USP46: variants seen among roughly 807,000 people sequenced by gnomAD.
USP46 encodes ubiquitin specific peptidase 46.
A neutral mutation model predicts 44.4 loss-of-function variants in USP46; 12 were observed. The observed-to-expected ratio is 0.27, with a 90% CI of 0.17 to 0.44. The LOEUF is 0.44. USP46 is among the 20% of genes least tolerant of loss of function. USP46 has a pLI of 1.00. For missense variants in USP46, 248 were observed against 444.8 expected, an observed-to-expected ratio of 0.56 and a Z score of 3.98; for synonymous variants, 155 against 161.5, an observed-to-expected ratio of 0.96 and a Z score of 0.31.
chr4:52,652,980 G>C (rs539111002), intron 1 of USP46, among the ~76,000 whole-genome samples: 67 of 152,194 alleles, frequency 4.4e-4, no homozygotes, highest in African/African-American at 1.5e-3. Context: ...GGAACTTGAG[G>C]AAGAAAAGGA....
rs1165651443 is a variant in USP46, at chr4:52,591,856, T to C, written c.*5784A>G. 1 of 152,340 alleles carries C rather than the reference T, an allele frequency of 6.6e-6. No individual in the cohort carries two copies. The highest frequency in any genetic ancestry group is 2.4e-5 in the African/African-American group (1 of 41,594). 9.4% of individuals were successfully genotyped at this position (152,340 alleles called of 1,614,324 possible). On this transcript the variant is annotated 3_prime_UTR_variant, in exon 9 of 9. Transcript: ENST00000441222. ...AAACAGATTGTTTAGAAATAACAGA[T>C]ATTTGATTCATAAAGCTCACTGTTG...
At chr4:52,611,712 C>T (rs749973469) in intron 4 of USP46, among the ~76,000 whole-genome samples, 6 of 152,062 alleles carry the variant, frequency 3.9e-5, no homozygotes, top group Admixed American at 1.3e-4. Flanking sequence ...CATGGTGAAA[C>T]TCCGTCTCTA....
chr4:52,621,498 A>C (rs927456235), intron 4 of USP46, among the ~76,000 whole-genome samples: 13 of 152,094 alleles, frequency 8.5e-5, no homozygotes, highest in East Asian at 3.9e-4. Context: ...TCTACTAAAA[A>C]TACAAAAATT....
At chr4:52,614,005 A>AT (rs1717031963) in intron 4 of USP46, among the ~76,000 whole-genome samples, 2 of 152,210 alleles carry the variant, frequency 1.3e-5, no homozygotes, top group African/African-American at 4.8e-5. Context: ...AATAGAAACA[A>AT]TAAAAAAGAA....
intron 1 of USP46, among the ~76,000 whole-genome samples, chr4:52,641,820 T>C (rs1353874976): frequency 6.6e-6 from 1 of 152,132 alleles, no homozygotes; most frequent in Non-Finnish European, 1.5e-5. Context: ...TTCAAGTTTG[T>C]ACAAGGAAGG....
intron 5 of USP46, among the ~76,000 whole-genome samples, chr4:52,608,255 A>C (rs1229687041): frequency 6.6e-6 from 1 of 152,254 alleles, no homozygotes; most frequent in African/African-American, 2.4e-5. Flanking sequence ...AAACACAGCT[A>C]TCGTGTCCAA....
chr4:52,644,738 A>T (rs1186609968), intron 1 of USP46, among the ~76,000 whole-genome samples: 14 of 71,482 alleles, frequency 2.0e-4, no homozygotes, highest in Non-Finnish European at 2.8e-4. Context: ...ATATTGAATT[A>T]AAAAAAAAAA....
At chr4:52,615,521 C>T (rs989446546) in intron 4 of USP46, among the ~76,000 whole-genome samples, 28 of 152,220 alleles carry the variant, frequency 1.8e-4, no homozygotes, top group East Asian at 9.6e-4. Flanking sequence ...CTCAAAAACA[C>T]ATGAAGCTGG....
intron 4 of USP46, among the ~76,000 whole-genome samples, chr4:52,614,348 T>C (rs1240935624): frequency 6.6e-6 from 1 of 152,012 alleles, no homozygotes; most frequent in African/African-American, 2.4e-5. Flanking sequence ...GCAGGATAAA[T>C]ACAAAGAAGG....
intron 6 of USP46, among the ~76,000 whole-genome samples, chr4:52,602,274 T>G (rs1440429985): frequency 6.6e-6 from 1 of 152,206 alleles, no homozygotes; most frequent in Non-Finnish European, 1.5e-5. Context: ...GGTGTGTGTC[T>G]GTTTGTTGGA....
intron 4 of USP46, among the ~76,000 whole-genome samples, chr4:52,619,599 T>G (rs948861211): frequency 6.6e-6 from 1 of 152,224 alleles, no homozygotes; most frequent in Non-Finnish European, 1.5e-5. Context: ...TCCCATTTGG[T>G]CTTCTTGCAC....
At position 52,596,205 on chromosome 4, in the gene USP46, G is replaced by C. The variant is rs1423093237; in HGVS notation, c.*1435C>G. On this transcript the variant is annotated 3_prime_UTR_variant, in exon 9 of 9. Transcript: ENST00000441222. ...ACTAACATTTTCCATTTCAATTTTA[G>C]TTCACATTATGCCCAAAGTTTGCAT... is the stretch of plus-strand genomic sequence containing the variant. 6.6e-6 allele frequency: 1 copy of C among 152,522 alleles called. No homozygotes were observed. Among genetic ancestry groups the C allele is most frequent in the Non-Finnish European group, 1.5e-5 (1 of 68,020 alleles). The allele number at this position is 152,522 out of a possible 1,614,324, so 9.4% of individuals were successfully genotyped here.
chr4:52,597,246 ACAAGTTAAAGGAATG>A lies in USP46; in HGVS notation c.*379_*393del. The A allele has an allele frequency of 6.1e-6, 1 of 164,580 alleles. No homozygotes were observed. The highest frequency in any genetic ancestry group is 1.7e-4 in the South Asian group (1 of 5,738). The allele number at this position is 164,580 out of a possible 1,614,324, so 10.2% of individuals were successfully genotyped here. On this transcript the variant is annotated 3_prime_UTR_variant, in exon 9 of 9. Coordinates refer to ENST00000441222, the MANE Select transcript of USP46 (RefSeq NM_022832.4). ...AAAATGGGTAGCAATGCTTCCAGGG[ACAAGTTAAAGGAATG>A]CATTGTAAGAAGACCCTGGAAGCCA... is the stretch of plus-strand genomic sequence containing the variant.
At chr4:52,599,660 A>C (rs1560389582) in intron 7 of USP46, among the ~76,000 whole-genome samples, 1 of 152,238 alleles carries the variant, frequency 6.6e-6, no homozygotes, top group South Asian at 2.1e-4. Context: ...CTATGTAGTT[A>C]GGTTAGATTT....
chr4:52,598,472 T>C (rs534160016), intron 8 of USP46, 156 bp downstream of exon 8: 4 of 695,002 alleles, frequency 5.8e-6, no homozygotes, highest in East Asian at 2.8e-5. Flanking sequence ...CCATGGAGCA[T>C]GGGGATTAGC....
intron 1 of USP46, among the ~76,000 whole-genome samples, chr4:52,634,491 A>G (rs1218620762): frequency 6.9e-6 from 1 of 145,106 alleles, no homozygotes; most frequent in East Asian, 2.1e-4. Context: ...CCTGGGCGAC[A>G]AGAGCGAGAC....
intron 1 of USP46, among the ~76,000 whole-genome samples, chr4:52,641,542 T>C (rs1244992039): frequency 1.3e-5 from 2 of 152,304 alleles, no homozygotes; most frequent in Non-Finnish European, 2.9e-5. Context: ...ATTTCTTCCT[T>C]GGTCGAGGGG....
chr4:52,598,491 G>A, intron 8 of USP46, 137 bp downstream of exon 8: 1 of 942,380 alleles, frequency 1.1e-6, no homozygotes, highest in Non-Finnish European at 1.6e-6. Context: ...GCAGAATTTG[G>A]TTTTGAATAC....
chr4:52,623,607 T>C (rs1037259102), intron 4 of USP46, among the ~76,000 whole-genome samples: 1 of 152,032 alleles, frequency 6.6e-6, no homozygotes, highest in Non-Finnish European at 1.5e-5. Flanking sequence ...GAAAAATGAA[T>C]ATAAAATAGA....
Sources: allele counts gnomAD v4.1 joint callset (sites outside exome capture counted in the v4.1 genomes callset), GRCh38; gene constraint gnomAD v4.1.1; transcripts MANE v1.5; gene names NCBI Gene and HGNC (gene_info 2026-07-23, HGNC 2026-07-21).